The following RABGAP1L variants were observed in gnomAD, a reference collection of about 807,000 sequenced individuals.
RABGAP1L encodes the protein RAB GTPase activating protein 1 like, also known as rab GTPase-activating protein 1-like.
In RABGAP1L, 63 loss-of-function variants were observed where a neutral mutation model predicts 137.7. That is an observed-to-expected ratio of 0.46 (90% CI 0.37 to 0.56). The LOEUF (loss-of-function observed/expected upper bound fraction) is 0.56. Ranked by LOEUF, RABGAP1L falls within the 20% of genes least tolerant of loss-of-function variation. The pLI, the probability that RABGAP1L is intolerant of heterozygous loss-of-function variation, is 0.00. For missense variants in RABGAP1L, 1,095 were observed against 1,244.0 expected (o/e 0.88, Z 1.80); for synonymous variants, 431 against 433.7 (o/e 0.99, Z 0.08).
chr1:174,175,499 T>C (rs1012680563), intron 1 of RABGAP1L, among the ~76,000 whole-genome samples: 2 of 151,504 alleles, frequency 1.3e-5, no homozygotes, highest in African/African-American at 2.4e-5. Context: ...TTTCTTTTTT[T>C]TTTTTTTTGA....
chr1:174,816,147 CT>C (rs67065448), intron 19 of RABGAP1L, among the ~76,000 whole-genome samples: 16,344 of 85,526 alleles, frequency 0.19, 636 homozygotes, highest in Admixed American at 0.25. Flanking sequence ...TAATACATAG[CT>C]TTTTTTTTTT....
At chr1:174,893,507 A>G (rs765337442) in intron 19 of RABGAP1L, among the ~76,000 whole-genome samples, 5 of 152,266 alleles carry the variant, frequency 3.3e-5, no homozygotes, top group Non-Finnish European at 2.9e-5. Context: ...AAAGTGATGC[A>G]TATACCTGCA....
chr1:174,558,331 G>A (rs533710103), intron 13 of RABGAP1L, among the ~76,000 whole-genome samples: 1 of 152,272 alleles, frequency 6.6e-6, no homozygotes, highest in African/African-American at 2.4e-5. Flanking sequence ...GAAATTCTTT[G>A]TGCTGTTTTA....
chr1:174,918,374 A>G (rs1319605448), intron 19 of RABGAP1L, among the ~76,000 whole-genome samples: 1 of 152,180 alleles, frequency 6.6e-6, no homozygotes, highest in African/African-American at 2.4e-5. Context: ...GTACATTTCT[A>G]TGATTCCATA....
chr1:174,987,039 A>T (rs1671648705), intron 24 of RABGAP1L, among the ~76,000 whole-genome samples: 1 of 152,214 alleles, frequency 6.6e-6, no homozygotes, highest in Non-Finnish European at 1.5e-5. Context: ...TTACATGTCT[A>T]ATTAATATTA....
At chr1:174,735,633 A>G (rs986928697) in intron 17 of RABGAP1L, among the ~76,000 whole-genome samples, 19 of 150,678 alleles carry the variant, frequency 1.3e-4, no homozygotes, top group Admixed American at 7.3e-4. Flanking sequence ...AAAAAAAAAA[A>G]AAAAAAAAGA....
At chr1:174,174,667 C>T (rs1219200836) in intron 1 of RABGAP1L, among the ~76,000 whole-genome samples, 1 of 152,184 alleles carries the variant, frequency 6.6e-6, no homozygotes, top group African/African-American at 2.4e-5. Flanking sequence ...TAGGGGGCTG[C>T]TGATGCAAGT....
At chr1:174,801,564 T>C (rs560667134) in intron 18 of RABGAP1L, among the ~76,000 whole-genome samples, 4 of 152,312 alleles carry the variant, frequency 2.6e-5, no homozygotes, top group East Asian at 3.9e-4. Flanking sequence ...GAAAGTCTAT[T>C]TGTCATTCCA....
chr1:174,788,453 A>G (rs1041588393), intron 18 of RABGAP1L, among the ~76,000 whole-genome samples: 2 of 152,190 alleles, frequency 1.3e-5, no homozygotes, highest in African/African-American at 2.4e-5. Flanking sequence ...GGTACTTCTT[A>G]TATTCAAGCT....
At chr1:174,220,778 A>G in intron 2 of RABGAP1L, 194 bp from the exon 3 acceptor site, 1 of 406,298 alleles carries the variant, frequency 2.5e-6, no homozygotes, top group Non-Finnish European at 4.2e-6. Flanking sequence ...TGTGAAACTA[A>G]TAATCTTCCT....
At chr1:174,189,397 C>G (rs1393435983) in intron 1 of RABGAP1L, among the ~76,000 whole-genome samples, 1 of 152,252 alleles carries the variant, frequency 6.6e-6, no homozygotes, top group East Asian at 1.9e-4. Context: ...GCCAGATCTT[C>G]TGGATAACTT....
chr1:174,584,409 A>G (rs1481606591), intron 13 of RABGAP1L, among the ~76,000 whole-genome samples: 4 of 152,134 alleles, frequency 2.6e-5, no homozygotes, highest in African/African-American at 9.7e-5. Flanking sequence ...GTTAATTATA[A>G]CTGATAGGGA....
intron 13 of RABGAP1L, among the ~76,000 whole-genome samples, chr1:174,509,291 C>G (rs1662117014): frequency 6.6e-6 from 1 of 152,176 alleles, no homozygotes; most frequent in African/African-American, 2.4e-5. Flanking sequence ...AAGGGAAATG[C>G]ATGTTATCTA....
At chr1:174,652,473 G>T (rs1223666737) in intron 14 of RABGAP1L, among the ~76,000 whole-genome samples, 1 of 152,108 alleles carries the variant, frequency 6.6e-6, no homozygotes, top group Non-Finnish European at 1.5e-5. Flanking sequence ...GGTAACCTTT[G>T]GATGGCGTTT....
In RABGAP1L at chr1:174,377,675, G is replaced by T. The variant is rs1057085603; in HGVS notation, c.1559+6603G>T. Among the ~76,000 whole-genome samples the T allele has an allele frequency of 2.0e-5, 3 of 151,496 alleles. 1 individual carries two copies. The highest frequency in any genetic ancestry group is 4.9e-5 in the African/African-American group (2 of 41,190). On this transcript the variant is annotated intron_variant, in intron 12 of 25. Coordinates refer to ENST00000681986, the MANE Select transcript of RABGAP1L (RefSeq NM_001366446.1). ...TGAGATACCACTTCATACCCACTAC[G>T]ATGTCAATCATTACAAAGACAGATA... is the stretch of plus-strand genomic sequence containing the variant.
intron 1 of RABGAP1L, 108 bp from the exon 2 acceptor site, chr1:174,219,017 G>T (rs1318898084): frequency 3.6e-6 from 3 of 841,872 alleles, no homozygotes; most frequent in Non-Finnish European, 5.4e-6. Flanking sequence ...TAGCCAGCAG[G>T]ATTCTTCTTC....
At position 174,699,589 on chromosome 1, in the gene RABGAP1L, T is replaced by C. The variant is rs1679502099; in HGVS notation, c.1964T>C (p.Leu655Pro). ...KIMYDYGLRD[L>P]YRNNFEDLHC... ...ATGTACGACTATGGTTTGAGAGACC[T>C]CTACAGAAACAACTTCGAAGATCTT... The change falls in exon 16 of 26, where the codon CTC becomes CCC. Residue 655 changes from leucine to proline, a missense_variant. Leu to Pro is a moderately conservative substitution (Grantham distance 98). Coordinates refer to ENST00000681986, the MANE Select transcript of RABGAP1L (RefSeq NM_001366446.1). The C allele has an allele frequency of 6.2e-7, 1 of 1,609,574 alleles. No homozygotes were observed. Among genetic ancestry groups the C allele is most frequent in the Non-Finnish European group, 8.5e-7 (1 of 1,176,042 alleles).
At chr1:174,447,279 C>T (rs1654873099) in intron 13 of RABGAP1L, among the ~76,000 whole-genome samples, 2 of 152,082 alleles carry the variant, frequency 1.3e-5, no homozygotes, top group Admixed American at 1.3e-4. Flanking sequence ...GGTGTTAATT[C>T]ATTAATTCAT....
chr1:174,264,879 A>G (rs1178999333), intron 7 of RABGAP1L, among the ~76,000 whole-genome samples: 1 of 152,172 alleles, frequency 6.6e-6, no homozygotes, highest in Non-Finnish European at 1.5e-5. Flanking sequence ...AAAAAGAAAT[A>G]GGAACTCCAA....
Sources: allele counts gnomAD v4.1 joint callset (sites outside exome capture counted in the v4.1 genomes callset), GRCh38; gene constraint gnomAD v4.1.1; transcripts MANE v1.5; gene names NCBI Gene and HGNC (gene_info 2026-07-23, HGNC 2026-07-21).